The following LDB1 variants were observed in gnomAD, a reference collection of about 807,000 sequenced individuals.
LDB1 encodes LIM domain binding 1, also known as LIM domain-binding protein 1.
In LDB1, 6 loss-of-function variants were observed where a neutral mutation model predicts 49.7. The ratio of observed to expected loss-of-function variants is 0.12; its 90% CI spans 0.07 to 0.24. The LOEUF is 0.24. LDB1 is among the 10% of genes least tolerant of loss of function. The pLI, the probability that LDB1 is intolerant of heterozygous loss-of-function variation, is 1.00. For synonymous variants in LDB1, 233 were observed against 202.0 expected (o/e 1.15, Z -1.30); for missense variants, 341 against 561.7 (o/e 0.61, Z 3.97).
rs1428858299 is a variant in LDB1 at position 102,108,004 on chromosome 10, G to A, written c.*89C>T. 2 of 1,040,928 alleles carry A rather than the reference G, an allele frequency of 1.9e-6. No individual in the cohort carries two copies. Among genetic ancestry groups the A allele is most frequent in the East Asian group, 2.4e-5 (1 of 42,216 alleles). 64.5% of individuals were successfully genotyped at this position (1,040,928 alleles called of 1,614,324 possible). ...TGGATGGAGGCTGCCCATTTTAGATGCTCAGTCTCTTCATTCTGTCTTCTG... is the reference window on the plus strand; with the variant it reads ...TGGATGGAGGCTGCCCATTTTAGATACTCAGTCTCTTCATTCTGTCTTCTG... On this transcript the variant is annotated 3_prime_UTR_variant, in exon 11 of 11. Transcript: ENST00000673968.
In LDB1 at chr10:102,110,705, TAG is replaced by T; in HGVS notation, c.353-6_353-5del. ...GGGATCAGGGTCCGGCCAATGGCTG[TAG>T]AGATGGGACAAACTCTTCAGGACAA... On this transcript the variant is annotated splice_region_variant and splice_polypyrimidine_tract_variant and intron_variant, in intron 5 of 10. Coordinates refer to ENST00000673968, the MANE Select transcript of LDB1 (RefSeq NM_001113407.3). The T allele has an allele frequency of 6.2e-7, 1 of 1,611,220 alleles. No homozygotes were observed. The highest frequency in any genetic ancestry group is 2.2e-5 in the East Asian group (1 of 44,850).
At chr10:102,111,357 AGGGG>A in intron 2 of LDB1, 57 bp from the exon 3 acceptor site, 1 of 1,599,048 alleles carries the variant, frequency 6.3e-7, no homozygotes, top group Non-Finnish European at 8.6e-7. Context: ...TATTGGGGGC[AGGGG>A]GCTACTCCCT....
chr10:102,108,219 G>A lies in LDB1; in HGVS notation c.1110C>T (p.Asn370=), dbSNP rs760482806. Residue 370 remains asparagine (N), a synonymous_variant, in exon 11 of 11, where the codon AAC becomes AAT. Coordinates refer to ENST00000673968, the MANE Select transcript of LDB1 (RefSeq NM_001113407.3). ...TAAAGCTGTCCTCGTCGTCAATGCC[G>A]TTGGCTGCGTCAAACTGGGTGTTCT... ...RLENTQFDAA[N]GIDDEDSFNN... is the part of the protein sequence containing the mutation. 38 of 1,613,906 alleles carry A rather than the reference G, an allele frequency of 2.4e-5. No individual in the cohort carries two copies. The highest frequency in any genetic ancestry group is 8.8e-5 in the South Asian group (8 of 91,090).
chr10:102,120,452 C>G, upstream of LDB1: 1 of 951,648 alleles, frequency 1.1e-6, no homozygotes. Context: ...TCTCCGCCCT[C>G]GCGCTCGCGC....
In LDB1 at chr10:102,111,306, TA is replaced by T. The variant is rs759564725; in HGVS notation, c.129-7del. ...GCGGATACATGGGAGTTGGGCTGTG[TA>T]AAGGAAGAGGCTATGAGAATGGGGG... On this transcript the variant is annotated splice_region_variant and splice_polypyrimidine_tract_variant and intron_variant, in intron 2 of 10. Transcript: ENST00000673968. The T allele has an allele frequency of 8.1e-6, 13 of 1,613,932 alleles. 1 individual carries two copies. In the South Asian group the frequency reaches 1.4e-4, roughly 18 times the overall value.
chr10:102,111,618 G>T, intron 1 of LDB1, 82 bp from the exon 2 acceptor site: 1 of 755,672 alleles, frequency 1.3e-6, no homozygotes, highest in Non-Finnish European at 2.1e-6. Context: ...AAGGCAAGAA[G>T]ATTGATTGAG....
intron 1 of LDB1, among the ~76,000 whole-genome samples, chr10:102,114,187 C>G (rs753136670): frequency 6.6e-6 from 1 of 152,196 alleles, no homozygotes; most frequent in African/African-American, 2.4e-5. Context: ...AGCTGCATCC[C>G]GGGGCTGAGG....
In LDB1 at chr10:102,109,133, T is replaced by G; in HGVS notation, c.901A>C (p.Met301Leu). 6.2e-7 allele frequency: 1 copy of G among 1,614,086 alleles called. No individual in the cohort carries two copies. The highest frequency in any genetic ancestry group is 8.5e-7 in the Non-Finnish European group (1 of 1,179,982). The change falls in exon 10 of 11, where the codon ATG becomes CTG. Residue 301 changes from methionine (M) to leucine (L), a missense_variant. Physicochemically the swap from Met to Leu is conservative, Grantham distance 15 (BLOSUM62 2). Coordinates refer to ENST00000673968, the MANE Select transcript of LDB1 (RefSeq NM_001113407.3). This position sits in a 1 kb window ranked among gnomAD's most constrained non-coding sequence, Gnocchi z 5.8. The stretch of plus-strand genomic sequence containing the variant: ...GAGCTCATGGTGCTGCCCCCTGACA[T>G]CTTCCGTTTCCGCCGTTTGCTGGGC... ...QQPSKRRKRK[M>L]SGGSTMSSGG...
downstream of LDB1, among the ~76,000 whole-genome samples, chr10:102,105,201 G>C (rs1222743969): frequency 6.6e-6 from 1 of 152,176 alleles, no homozygotes; most frequent in Non-Finnish European, 1.5e-5. Context: ...AGGGTGAGTT[G>C]CTGGTGGCAG....
At position 102,111,680 on chromosome 10, in the gene LDB1, G is replaced by A. The variant is rs111452422; in HGVS notation, c.26-144C>T. ...AGCCTAGGCAACATAGCGAGACCTC[G>A]TCTCTAAAAATAATTGAAAAGTTGG... is the stretch of plus-strand genomic sequence containing the variant. On this transcript the variant is annotated intron_variant, in intron 1 of 10. Coordinates refer to ENST00000673968, the MANE Select transcript of LDB1 (RefSeq NM_001113407.3). The A allele has an allele frequency of 1.0e-3, 532 of 524,688 alleles. 3 individuals are homozygous for A. The highest frequency in any genetic ancestry group is 8.5e-3 in the African/African-American group (445 of 52,322). The allele number at this position is 524,688 out of a possible 1,614,324, so 32.5% of individuals were successfully genotyped here. A position where few individuals can be genotyped will look rare whatever the true frequency, so the allele number is the denominator to read the frequency against.
Position 102,117,223 on chromosome 10 carries a change from CTCGCTGTGGGGTGGAGGGG to C in LDB1, c.25+2844_25+2862del, listed in dbSNP as rs1362474322. 1.3e-5 allele frequency among the ~76,000 whole-genome samples: 2 copies of C among 152,132 alleles called. No homozygotes were observed. Among genetic ancestry groups the C allele is most frequent in the Non-Finnish European group, 2.9e-5 (2 of 68,030 alleles). ...GGAGGGACTACAAGGGCCCTCCAGT[CTCGCTGTGGGGTGGAGGGG>C]CCCCTAAATGCCAAGATGTATCGAC... On this transcript the variant is annotated intron_variant, in intron 1 of 10. Coordinates refer to ENST00000673968, the MANE Select transcript of LDB1 (RefSeq NM_001113407.3). The surrounding 1 kb of genome is among the most constrained non-coding windows in gnomAD (Gnocchi z 4.2).
chr10:102,114,776 CCCG>C, intron 1 of LDB1: 10 of 953,998 alleles, frequency 1.0e-5, no homozygotes, highest in Non-Finnish European at 1.0e-5. Flanking sequence ...CTCGGCTCTC[CCCG>C]CCGCCGCCTC....
chr10:102,120,533 C>T (rs1408582671), upstream of LDB1: 2 of 273,048 alleles, frequency 7.3e-6, no homozygotes, highest in African/African-American at 2.3e-5. Context: ...GCTAATTGTC[C>T]TGCTAGTGGG....
chr10:102,114,855 C>A, intron 1 of LDB1: 1 of 668,332 alleles, frequency 1.5e-6, no homozygotes, highest in Non-Finnish European at 1.8e-6. Context: ...CTGCTGGGGG[C>A]ACCAGGAGAG....
In LDB1 at chr10:102,108,331, T is replaced by G; in HGVS notation, c.1006-8A>C. The G allele has an allele frequency of 6.2e-7, 1 of 1,609,586 alleles. No homozygotes were observed. The highest frequency in any genetic ancestry group is 8.5e-7 in the Non-Finnish European group (1 of 1,176,356). ...CCCCACCACCATCACATCCTGAGAGTGGCGGAGGTCCCCAAACATAATCGG... is the reference window on the plus strand; with the variant it reads ...CCCCACCACCATCACATCCTGAGAGGGGCGGAGGTCCCCAAACATAATCGG... On this transcript the variant is annotated splice_region_variant and splice_polypyrimidine_tract_variant and intron_variant, in intron 10 of 10. Transcript: ENST00000673968.
At chr10:102,113,775 A>C (rs2068290535) in intron 1 of LDB1, among the ~76,000 whole-genome samples, 2 of 152,168 alleles carry the variant, frequency 1.3e-5, no homozygotes, top group East Asian at 1.9e-4. Flanking sequence ...AAAAAAAAAA[A>C]AAACTCTCAG....
In LDB1 at chr10:102,110,600, T is replaced by G. The variant is rs149408048; in HGVS notation, c.454A>C (p.Ser152Arg). The G allele has an allele frequency of 6.2e-7, 1 of 1,613,956 alleles. No individual in the cohort carries two copies. Among genetic ancestry groups the G allele is most frequent in the African/African-American group, 1.3e-5 (1 of 74,898 alleles). ...TCACAGTCGAGGGACACAAAGTTGC[T>G]GTGGAATGCCTCCTTGGGGTGCTTA... ...VLKHPKEAFH[S>R]NFVSLDCDQG... Residue 152 changes from serine (S) to arginine (R), a missense_variant, in exon 6 of 11, where the codon AGC becomes CGC. Coordinates refer to ENST00000673968, the MANE Select transcript of LDB1 (RefSeq NM_001113407.3).
Position 102,107,871 on chromosome 10 carries a change from A to AC in LDB1, c.*221dup, listed in dbSNP as rs2068188002. ...GTTCCAAGTAGGCATCCACATGAGT[A>AC]CCCCCTCCCCCTAAAAGGCTCTGTA... On this transcript the variant is annotated 3_prime_UTR_variant, in exon 11 of 11. Transcript: ENST00000673968. The AC allele has an allele frequency of 3.4e-6, 2 of 588,148 alleles. No individual in the cohort carries two copies. The highest frequency in any genetic ancestry group is 4.0e-5 in the South Asian group (2 of 49,534). 36.4% of individuals were successfully genotyped at this position (588,148 alleles called of 1,614,324 possible). A position where few individuals can be genotyped will look rare whatever the true frequency, so the allele number is the denominator to read the frequency against.
At chr10:102,115,930 A>AC (rs1491452478) in intron 1 of LDB1, among the ~76,000 whole-genome samples, 65 of 152,134 alleles carry the variant, frequency 4.3e-4, no homozygotes, top group African/African-American at 1.5e-3. Flanking sequence ...ACACACACAC[A>AC]AACACACACA....
Sources: gnomAD v4.1 joint callset for allele counts (sites outside exome capture counted in the v4.1 genomes callset) on GRCh38, gnomAD v4.1.1 for gene constraint, Gnocchi (gnomAD v3.1) non-coding constraint, MANE v1.5 for transcripts, NCBI Gene and HGNC (gene_info 2026-07-23, HGNC 2026-07-21) for gene names.